Variants in CRTC1 observed in about 807,000 individuals in gnomAD.
CRTC1 encodes CREB-regulated transcription coactivator 1.
Under a neutral mutation model 66.1 loss-of-function variants are expected in CRTC1, and 18 were observed. That is an observed-to-expected ratio of 0.27 (90% CI 0.19 to 0.40). CRTC1 has a LOEUF of 0.40. Among genes scored for constraint, CRTC1 ranks in the 10% least tolerant of loss-of-function variants. The pLI, the probability that CRTC1 is intolerant of heterozygous loss-of-function variation, is 1.00. For synonymous variants in CRTC1, 416 were observed against 398.8 expected (o/e 1.04, Z -0.51); for missense variants, 669 against 887.9 (o/e 0.75, Z 3.13).
chr19:18,695,823 T>C, intron 1 of CRTC1, among the ~76,000 whole-genome samples: 1 of 151,930 alleles, frequency 6.6e-6, no homozygotes. Flanking sequence ...CGAGATCGCG[T>C]CACTGCGCTC....
chr19:18,760,776 A>AC lies in CRTC1; in HGVS notation c.886+554dup, dbSNP rs569391204. Among the ~76,000 whole-genome samples the AC allele has an allele frequency of 2.0e-5, 3 of 149,508 alleles. No homozygotes were observed. Among genetic ancestry groups the AC allele is most frequent in the African/African-American group, 7.4e-5 (3 of 40,326 alleles). On this transcript the variant is annotated intron_variant, in intron 8 of 13. Transcript: ENST00000321949. This position sits in a 1 kb window ranked among gnomAD's most constrained non-coding sequence, Gnocchi z 6.2. ...GCTGCTGCCGCCCTGCTCCCCCGGG[A>AC]CCCCCCTCCTGTGGCTGCACTGATT... is the stretch of plus-strand genomic sequence containing the variant.
At chr19:18,776,639 C>G (rs540694293) in intron 13 of CRTC1, among the ~76,000 whole-genome samples, 1 of 152,228 alleles carries the variant, frequency 6.6e-6, no homozygotes, top group Non-Finnish European at 1.5e-5. Flanking sequence ...ATCTGACCCC[C>G]GCAATGGCCT....
intron 1 of CRTC1, among the ~76,000 whole-genome samples, chr19:18,735,011 G>A (rs773623632): frequency 8.5e-5 from 13 of 152,218 alleles, no homozygotes; most frequent in Non-Finnish European, 1.5e-4. Flanking sequence ...CGAGGCGTCC[G>A]GGCAGAAAAT....
intron 1 of CRTC1, among the ~76,000 whole-genome samples, chr19:18,733,028 A>G (rs949477095): frequency 1.3e-4 from 20 of 151,872 alleles, no homozygotes; most frequent in Non-Finnish European, 2.5e-4. Context: ...TGGAGGCTGC[A>G]GTGAGCTGTG....
intron 8 of CRTC1, among the ~76,000 whole-genome samples, chr19:18,763,991 C>A (rs1335296778): frequency 1.3e-5 from 2 of 152,172 alleles, no homozygotes; most frequent in Non-Finnish European, 2.9e-5. Context: ...GACGCCAGGG[C>A]CTGCAAAGGG....
intron 1 of CRTC1, among the ~76,000 whole-genome samples, chr19:18,684,043 G>A (rs888307172): frequency 1.9e-4 from 29 of 151,780 alleles, no homozygotes; most frequent in African/African-American, 5.1e-4. Context: ...ATACCTGATG[G>A]GGTACAGGTG....
rs751984915 is a variant in CRTC1, at chr19:18,768,713, G to A, written c.1240G>A (p.Ala414Thr). ...TCGTGGGCCACAGCCGCCCCCGCTT[G>A]CAGTCACGGTACCGTCCTCTCTCCC... ...LTRGPQPPPLAVTVPSSLPQS... is the reference protein window; with the variant it reads ...LTRGPQPPPLTVTVPSSLPQS... The change falls in exon 10 of 14, where the codon GCA becomes ACA. Residue 414 changes from alanine (A) to threonine (T), a missense_variant. This residue lies in a region of CRTC1 where 241 missense variants were observed against 242.2 expected (regional missense o/e 0.99). Coordinates refer to ENST00000321949, the MANE Select transcript of CRTC1 (RefSeq NM_015321.3). This position sits in a 1 kb window ranked among gnomAD's most constrained non-coding sequence, Gnocchi z 5.6. 6.3e-7 allele frequency: 1 copy of A among 1,593,742 alleles called. No homozygotes were observed. Among genetic ancestry groups the A allele is most frequent in the Non-Finnish European group, 8.5e-7 (1 of 1,171,718 alleles).
At chr19:18,698,065 TGTACTCAGCAG>T (rs1290704088) in intron 1 of CRTC1, among the ~76,000 whole-genome samples, 4 of 151,164 alleles carry the variant, frequency 2.6e-5, no homozygotes. Flanking sequence ...TTCTGCAGTG[TGTACTCAGCAG>T]GTGCTCGGCA....
chr19:18,715,973 G>A (rs976762222), intron 1 of CRTC1, among the ~76,000 whole-genome samples: 5 of 152,218 alleles, frequency 3.3e-5, no homozygotes, highest in Admixed American at 3.3e-4. Flanking sequence ...ACAGGTGTAC[G>A]CTTATGTGCT....
chr19:18,753,423 G>A (rs1303423977), intron 5 of CRTC1, 77 bp from the exon 6 acceptor site: 9 of 1,039,556 alleles, frequency 8.7e-6, no homozygotes, highest in East Asian at 2.4e-5. Flanking sequence ...TGTCAGGGAC[G>A]TGTCCTCCTG....
chr19:18,765,536 G>A lies in CRTC1; in HGVS notation c.1011+8G>A. 6.3e-7 allele frequency: 1 copy of A among 1,598,892 alleles called. No individual in the cohort carries two copies. The highest frequency in any genetic ancestry group is 1.1e-5 in the South Asian group (1 of 90,410). On this transcript the variant is annotated splice_region_variant and intron_variant, in intron 9 of 13. Coordinates refer to ENST00000321949, the MANE Select transcript of CRTC1 (RefSeq NM_015321.3). ...CTGTCACCCATCACTCAGGTGCGAG[G>A]GCAAGGTGGGGGGCAGGTGGGAGGG...
chr19:18,739,557 G>A (rs905822619), intron 1 of CRTC1, among the ~76,000 whole-genome samples: 5 of 152,184 alleles, frequency 3.3e-5, no homozygotes, highest in African/African-American at 1.2e-4. Flanking sequence ...GCCGGCAGGC[G>A]CTGCTGAGCA....
intron 1 of CRTC1, among the ~76,000 whole-genome samples, chr19:18,718,395 G>T (rs2053552468): frequency 6.6e-6 from 1 of 152,078 alleles, no homozygotes; most frequent in African/African-American, 2.4e-5. Flanking sequence ...GGAGTGCAGT[G>T]GTACGATCAC....
At chr19:18,746,865 G>A (rs1258814712) in intron 3 of CRTC1, among the ~76,000 whole-genome samples, 188 bp from the exon 4 acceptor site, 3 of 152,180 alleles carry the variant, frequency 2.0e-5, no homozygotes, top group African/African-American at 7.2e-5. Flanking sequence ...GAGAGCCCCT[G>A]GAACGGGGGC....
At chr19:18,759,119 C>CA (rs2054557239) in intron 6 of CRTC1, among the ~76,000 whole-genome samples, 1 of 152,208 alleles carries the variant, frequency 6.6e-6, no homozygotes, top group Non-Finnish European at 1.5e-5. Context: ...GCGGGAAGAT[C>CA]ATGAGCTCAG....
Position 18,777,775 on chromosome 19 carries a change from C to T in CRTC1, c.*393C>T, listed in dbSNP as rs1441260614. 9.4e-6 allele frequency: 3 copies of T among 317,648 alleles called. No homozygotes were observed. Among genetic ancestry groups the T allele is most frequent in the Non-Finnish European group, 1.8e-5 (3 of 170,678 alleles). 19.7% of individuals were successfully genotyped at this position (317,648 alleles called of 1,614,324 possible). A position where few individuals can be genotyped will look rare whatever the true frequency, so the allele number is the denominator to read the frequency against. On this transcript the variant is annotated 3_prime_UTR_variant, in exon 14 of 14. Transcript: ENST00000321949. This position sits in a 1 kb window ranked among gnomAD's most constrained non-coding sequence, Gnocchi z 5.5. ...CGCATGGTCCGCCAGGGCTGTGGGC[C>T]GTGGCGCATTTTCCGACTGTTTGTC...
At position 18,765,394 on chromosome 19, in the gene CRTC1, T is replaced by C; in HGVS notation, c.887-10T>C. On this transcript the variant is annotated splice_polypyrimidine_tract_variant and intron_variant, in intron 8 of 13. Transcript: ENST00000321949. The stretch of plus-strand genomic sequence containing the variant: ...ACACCTGCTCTCCCTCCCTCCTACT[T>C]CCTCTCTAGGAATGAGCACACCTGG... The C allele has an allele frequency of 6.2e-7, 1 of 1,605,308 alleles. No homozygotes were observed. Among genetic ancestry groups the C allele is most frequent in the Non-Finnish European group, 8.5e-7 (1 of 1,174,436 alleles).
rs759488107 is a variant in CRTC1, at chr19:18,771,505, C to T, written c.1384C>T (p.Pro462Ser). Residue 462 changes from proline to serine, a missense_variant, in exon 11 of 14, where the codon CCA (proline) becomes TCA (serine). Physicochemically the swap from Pro to Ser is moderately conservative, Grantham distance 74 (BLOSUM62 -1). This residue lies in a region of CRTC1 where 4 missense variants were observed against 16.9 expected (regional missense o/e 0.24). Coordinates refer to ENST00000321949, the MANE Select transcript of CRTC1 (RefSeq NM_015321.3). This position sits in a 1 kb window ranked among gnomAD's most constrained non-coding sequence, Gnocchi z 4.6. ...GSPANQSPTS[P>S]VSNQGFSPGS... is the part of the protein sequence containing the mutation. ...CCCGGCCAACCAGTCTCCCACCTCG[C>T]CAGTCTCCAATCAAGGCTTCTCCCC... 6.2e-7 allele frequency: 1 copy of T among 1,613,760 alleles called. No homozygotes were observed.
At position 18,768,851 on chromosome 19, in the gene CRTC1, G is replaced by T. The variant is rs1292559128; in HGVS notation, c.1320+58G>T. Reference sequence around the variant, plus strand: ...CTGGGGGTCTTGTAGAGGACAGCCCGGGGGCTGCAGAACAGTCGGGTTACC... The same window carrying T: ...CTGGGGGTCTTGTAGAGGACAGCCCTGGGGCTGCAGAACAGTCGGGTTACC... On this transcript the variant is annotated intron_variant, in intron 10 of 13. Coordinates refer to ENST00000321949, the MANE Select transcript of CRTC1 (RefSeq NM_015321.3). This position sits in a 1 kb window ranked among gnomAD's most constrained non-coding sequence, Gnocchi z 5.6. The T allele has an allele frequency of 2.0e-6, 3 of 1,520,932 alleles. No homozygotes were observed. Among genetic ancestry groups the T allele is most frequent in the Admixed American group, 4.2e-5 (2 of 47,254 alleles). The allele number at this position is 1,520,932 out of a possible 1,614,324, so 94.2% of individuals were successfully genotyped here.
Sources: gnomAD v4.1 joint callset for allele counts (sites outside exome capture counted in the v4.1 genomes callset) on GRCh38, gnomAD v4.1.1 for gene constraint, gnomAD v4.1.1 regional missense constraint, Gnocchi (gnomAD v3.1) non-coding constraint, MANE v1.5 for transcripts, NCBI Gene and HGNC (gene_info 2026-07-23, HGNC 2026-07-21) for gene names.